Variants in XKR5 observed in about 807,000 individuals in gnomAD.
XKR5 encodes the protein XK-related protein 5.
A neutral mutation model predicts 40.8 loss-of-function variants in XKR5; 46 were observed. The ratio of observed to expected loss-of-function variants is 1.13; its 90% CI spans 0.89 to 1.44. The LOEUF is 1.44. Ranked by LOEUF, XKR5 falls within the 40% of genes most tolerant of loss-of-function variation. XKR5 has a pLI of 0.00. For missense variants in XKR5, 1,169 were observed against 844.7 expected, an observed-to-expected ratio of 1.38 and a Z score of -4.76; for synonymous variants, 466 against 356.1, an observed-to-expected ratio of 1.31 and a Z score of -3.48.
In XKR5 at chr8:6,832,788, G is replaced by A; in HGVS notation, c.171C>T (p.Phe57=). The A allele has an allele frequency of 6.2e-7, 1 of 1,613,276 alleles. No individual in the cohort carries two copies. Among genetic ancestry groups the A allele is most frequent in the South Asian group, 1.1e-5 (1 of 90,834 alleles). ...FLVQALSYLW[F]RADGHPGHCS... is the part of the protein sequence containing the mutation. ...AATGCCCTGGATGCCCGTCTGCTCG[G>A]AACCACAGGTAGCTCAGGGCCTGGA... Residue 57 remains phenylalanine, a synonymous_variant, in exon 2 of 7, where the codon TTC becomes TTT. Transcript: ENST00000618742.
chr8:6,835,318 G>C, intron 1 of XKR5, 118 bp downstream of exon 1: 1 of 1,098,610 alleles, frequency 9.1e-7, no homozygotes, highest in Non-Finnish European at 1.2e-6. Flanking sequence ...CCGGCGCGCA[G>C]TGCTGGGCGC....
chr8:6,820,157 G>A (rs1287092309), intron 5 of XKR5, among the ~76,000 whole-genome samples: 4 of 152,214 alleles, frequency 2.6e-5, no homozygotes, highest in African/African-American at 9.6e-5. Context: ...CGGGCAGCAA[G>A]GCCTAAAGCC....
At chr8:6,824,738 G>A (rs185107910) in intron 3 of XKR5, among the ~76,000 whole-genome samples, 224 of 152,162 alleles carry the variant, frequency 1.5e-3, no homozygotes, top group Non-Finnish European at 2.4e-3. Flanking sequence ...TGCCTGGCTG[G>A]TCTTGAGCTC....
intron 2 of XKR5, chr8:6,829,310 A>G (rs1447066598): frequency 5.9e-6 from 1 of 169,270 alleles, no homozygotes; most frequent in Non-Finnish European, 1.5e-5. Flanking sequence ...TTGTGGGCTT[A>G]AAAAGAAAGA....
intron 2 of XKR5, among the ~76,000 whole-genome samples, chr8:6,829,661 G>A (rs973801740): frequency 3.9e-5 from 6 of 152,062 alleles, no homozygotes; most frequent in African/African-American, 1.2e-4. Context: ...CATTACAGGT[G>A]TGCGTGACCA....
intron 2 of XKR5, among the ~76,000 whole-genome samples, chr8:6,830,537 AT>A (rs1263867991): frequency 2.0e-5 from 3 of 152,172 alleles, no homozygotes; most frequent in Non-Finnish European, 4.4e-5. Context: ...TTAGGGCCAA[AT>A]TGTGACCCGC....
At chr8:6,823,236 C>A (rs11137071) in intron 4 of XKR5, among the ~76,000 whole-genome samples, 52,896 of 152,100 alleles carry the variant, frequency 0.35, 9,676 homozygotes, top group East Asian at 0.63. Flanking sequence ...ACAGCAGAAG[C>A]AATGCTGAGC....
chr8:6,827,889 G>A (rs1488976809), intron 2 of XKR5, among the ~76,000 whole-genome samples: 5 of 152,008 alleles, frequency 3.3e-5, no homozygotes, highest in African/African-American at 9.7e-5. Context: ...AACATAATGA[G>A]ACTCCATGTC....
chr8:6,825,486 C>G, intron 2 of XKR5, 137 bp from the exon 3 acceptor site: 2 of 710,470 alleles, frequency 2.8e-6, no homozygotes, highest in Non-Finnish European at 2.1e-6. Flanking sequence ...ACTAGTTAGG[C>G]TGTTGCCAGC....
At chr8:6,833,573 G>A (rs1233109880) in intron 1 of XKR5, among the ~76,000 whole-genome samples, 1 of 152,200 alleles carries the variant, frequency 6.6e-6, no homozygotes, top group African/African-American at 2.4e-5. Flanking sequence ...AAATGAGCAA[G>A]TTTGCTGGCT....
chr8:6,835,116 G>C (rs1384353871), intron 1 of XKR5, among the ~76,000 whole-genome samples: 1 of 151,996 alleles, frequency 6.6e-6, no homozygotes, highest in African/African-American at 2.4e-5. Context: ...CTGCTTCTGC[G>C]AGGGGATCTT....
intron 1 of XKR5, among the ~76,000 whole-genome samples, chr8:6,835,136 G>C (rs1804954382): frequency 6.6e-6 from 1 of 152,116 alleles, no homozygotes; most frequent in African/African-American, 2.4e-5. Flanking sequence ...TGCATGCGTG[G>C]GGCGGGGGGA....
intron 2 of XKR5, among the ~76,000 whole-genome samples, chr8:6,826,360 G>T (rs946443980): frequency 2.0e-5 from 3 of 152,028 alleles, no homozygotes; most frequent in African/African-American, 7.3e-5. Flanking sequence ...TGTAGTGTGG[G>T]TGTATGAACA....
chr8:6,832,631 G>C, intron 2 of XKR5, 86 bp downstream of exon 2: 1 of 1,543,402 alleles, frequency 6.5e-7, no homozygotes. Flanking sequence ...TTATGAGCTT[G>C]AGGACAGAAT....
intron 1 of XKR5, among the ~76,000 whole-genome samples, chr8:6,834,256 C>A (rs1349645183): frequency 6.6e-6 from 1 of 152,226 alleles, no homozygotes; most frequent in African/African-American, 2.4e-5. Context: ...GATGAATGAA[C>A]ACAAGCCGCG....
chr8:6,811,091 G>A lies in XKR5; in HGVS notation c.*107C>T, dbSNP rs1321018220. 1.2e-5 allele frequency: 13 copies of A among 1,109,320 alleles called. No homozygotes were observed. Among genetic ancestry groups the A allele is most frequent in the Admixed American group, 2.8e-5 (1 of 35,386 alleles). The allele number at this position is 1,109,320 out of a possible 1,614,324, so 68.7% of individuals were successfully genotyped here. A position where few individuals can be genotyped will look rare whatever the true frequency, so the allele number is the denominator to read the frequency against. On this transcript the variant is annotated 3_prime_UTR_variant, in exon 7 of 7. Coordinates refer to ENST00000618742, the MANE Select transcript of XKR5 (RefSeq NM_207411.5). ...TGCAGATGGAGATTCAGAGGTGACA[G>A]TGATGTGCCCAAGGACACAGGTGTC...
chr8:6,817,239 C>A (rs1005847006), intron 5 of XKR5, among the ~76,000 whole-genome samples: 2 of 152,296 alleles, frequency 1.3e-5, no homozygotes, highest in African/African-American at 2.4e-5. Flanking sequence ...GCCATTCCTC[C>A]CCGATGCACC....
chr8:6,816,859 C>T (rs896771340), intron 5 of XKR5, among the ~76,000 whole-genome samples: 6 of 151,786 alleles, frequency 4.0e-5, no homozygotes, highest in Admixed American at 3.3e-4. Context: ...TCATTGGCTT[C>T]GTTTTTCACT....
rs774313907 is a variant in XKR5 at position 6,815,941 on chromosome 8, A to C, written c.808-23T>G. 6.4e-6 allele frequency: 10 copies of C among 1,555,544 alleles called. No homozygotes were observed. The South Asian group carries it at 1.2e-4, about 18-fold the overall frequency. On this transcript the variant is annotated intron_variant, in intron 5 of 6. Coordinates refer to ENST00000618742, the MANE Select transcript of XKR5 (RefSeq NM_207411.5). The stretch of plus-strand genomic sequence containing the variant: ...GACCTGCGGGACCCAGGACAGAGGC[A>C]CCACACCTCGTCAGGTGCACACTGC...
Sources: allele counts gnomAD v4.1 joint callset (sites outside exome capture counted in the v4.1 genomes callset), GRCh38; gene constraint gnomAD v4.1.1; transcripts MANE v1.5; gene names NCBI Gene and HGNC (gene_info 2026-07-23, HGNC 2026-07-21).